The following LGR4 variants were observed in gnomAD, a reference collection of about 807,000 sequenced individuals.
The protein encoded by LGR4 is leucine rich repeat containing G protein-coupled receptor 4.
A neutral mutation model predicts 84.8 loss-of-function variants in LGR4; 44 were observed. The ratio of observed to expected loss-of-function variants is 0.52; its 90% CI spans 0.41 to 0.67. LGR4 has a LOEUF of 0.67. LGR4 is among the 30% of genes least tolerant of loss of function. The pLI is 0.00. For missense variants in LGR4, 1,032 were observed against 1,131.4 expected, an observed-to-expected ratio of 0.91 and a Z score of 1.26; for synonymous variants, 429 against 434.3, an observed-to-expected ratio of 0.99 and a Z score of 0.15.
At chr11:27,398,211 C>T (rs1393796933) in intron 2 of LGR4, among the ~76,000 whole-genome samples, 2 of 152,268 alleles carry the variant, frequency 1.3e-5, no homozygotes, top group African/African-American at 2.4e-5. Flanking sequence ...GCAGGAACTG[C>T]GCTGTCTTAA....
chr11:27,399,908 A>G (rs2133385327), intron 2 of LGR4, among the ~76,000 whole-genome samples: 1 of 152,274 alleles, frequency 6.6e-6, no homozygotes, highest in African/African-American at 2.4e-5. Flanking sequence ...TGTGTTCAGA[A>G]CTATGTTGGC....
chr11:27,437,205 A>G (rs1864226881), intron 1 of LGR4, among the ~76,000 whole-genome samples: 1 of 152,190 alleles, frequency 6.6e-6, no homozygotes, highest in Non-Finnish European at 1.5e-5. Flanking sequence ...GTTAGTCCAA[A>G]TATACACACA....
At chr11:27,412,745 T>C in intron 2 of LGR4, 44 bp downstream of exon 2, 1 of 1,150,446 alleles carries the variant, frequency 8.7e-7, no homozygotes, top group Non-Finnish European at 1.3e-6. Flanking sequence ...CAAAATGAAT[T>C]GGGGAAAAAG....
chr11:27,429,384 C>T (rs1320687943), intron 1 of LGR4, among the ~76,000 whole-genome samples: 3 of 151,734 alleles, frequency 2.0e-5, no homozygotes, highest in African/African-American at 7.3e-5. Flanking sequence ...ACTCAAGAGG[C>T]TGAGGCAGCA....
chr11:27,435,859 T>C (rs891143002), intron 1 of LGR4, among the ~76,000 whole-genome samples: 2 of 151,750 alleles, frequency 1.3e-5, no homozygotes, highest in Non-Finnish European at 2.9e-5. Context: ...CTCACAATAA[T>C]CCTAAGAGGT....
chr11:27,391,582 G>A (rs1863285718), intron 3 of LGR4, among the ~76,000 whole-genome samples: 1 of 152,116 alleles, frequency 6.6e-6, no homozygotes, highest in Non-Finnish European at 1.5e-5. Flanking sequence ...ATAAAGCAGA[G>A]CCCGGAAACA....
At chr11:27,454,984 C>T (rs1273830554) in intron 1 of LGR4, among the ~76,000 whole-genome samples, 1 of 152,134 alleles carries the variant, frequency 6.6e-6, no homozygotes, top group East Asian at 1.9e-4. Flanking sequence ...AAGATTAACA[C>T]AGTCAAAGAA....
chr11:27,435,348 AAAC>A (rs200560391), intron 1 of LGR4, among the ~76,000 whole-genome samples: 3,058 of 151,728 alleles, frequency 0.02, 103 homozygotes, highest in African/African-American at 0.071. Flanking sequence ...ACAAACAAAC[AAAC>A]AACAACAACA....
chr11:27,441,966 A>C (rs962143289), intron 1 of LGR4, among the ~76,000 whole-genome samples: 6 of 152,228 alleles, frequency 3.9e-5, no homozygotes, highest in African/African-American at 1.4e-4. Context: ...CAGGGACCAC[A>C]GATGGAACAG....
chr11:27,469,242 C>T (rs113863265), intron 1 of LGR4, among the ~76,000 whole-genome samples: 243 of 152,262 alleles, frequency 1.6e-3, no homozygotes, highest in African/African-American at 5.7e-3. Flanking sequence ...TCCGGTAAAG[C>T]GGCTTTCACC....
In LGR4 at chr11:27,371,511, T is replaced by C. The variant is rs541632365; in HGVS notation, c.1579+104A>G. ...CAGAAGGCCTCACAGGATCCTCTAGTACCATCCCTATTACAGAAATCACAT... is the reference window on the plus strand; with the variant it reads ...CAGAAGGCCTCACAGGATCCTCTAGCACCATCCCTATTACAGAAATCACAT... On this transcript the variant is annotated intron_variant, in intron 17 of 17. Coordinates refer to ENST00000379214, the MANE Select transcript of LGR4 (RefSeq NM_018490.5). The C allele has an allele frequency of 3.2e-5, 25 of 784,532 alleles. No homozygotes were observed. The South Asian group carries it at 4.7e-4, about 15-fold the overall frequency. The allele number at this position is 784,532 out of a possible 1,614,324, so 48.6% of individuals were successfully genotyped here. A position where few individuals can be genotyped will look rare whatever the true frequency, so the allele number is the denominator to read the frequency against.
chr11:27,418,789 T>A lies in LGR4; in HGVS notation c.186-5929A>T, dbSNP rs1054330047. Among the ~76,000 whole-genome samples the A allele has an allele frequency of 4.6e-5, 7 of 152,082 alleles. No individual in the cohort carries two copies. The East Asian group carries it at 1.4e-3, about 29-fold the overall frequency. ...AAAAAACTTGTTTCTATCAGAAAAATGTTTAATTCATTTTATGATCATCTA... is the reference window on the plus strand; with the variant it reads ...AAAAAACTTGTTTCTATCAGAAAAAAGTTTAATTCATTTTATGATCATCTA... On this transcript the variant is annotated intron_variant, in intron 1 of 17. Transcript: ENST00000379214.
chr11:27,468,129 A>T (rs1864813550), intron 1 of LGR4, among the ~76,000 whole-genome samples: 1 of 152,216 alleles, frequency 6.6e-6, no homozygotes, highest in African/African-American at 2.4e-5. Flanking sequence ...AATACACCTT[A>T]GGGAAGAATC....
In LGR4 at chr11:27,439,092, C is replaced by T. The variant is rs145146792; in HGVS notation, c.186-26232G>A. On this transcript the variant is annotated intron_variant, in intron 1 of 17. Transcript: ENST00000379214. ...ATTGACATTTTCATAATGGAGATGT[C>T]GTGATGGTAAATGGAGATTTACCAT... 4.3e-4 allele frequency among the ~76,000 whole-genome samples: 65 copies of T among 152,246 alleles called. No individual in the cohort carries two copies. In the East Asian group the frequency reaches 0.012, roughly 27 times the overall value.
intron 1 of LGR4, among the ~76,000 whole-genome samples, chr11:27,449,756 G>A (rs545214183): frequency 1.5e-4 from 23 of 152,104 alleles, no homozygotes; most frequent in South Asian, 4.1e-4. Flanking sequence ...TTCAAAGGAC[G>A]TATGTCTATA....
intron 4 of LGR4, 32 bp downstream of exon 4, chr11:27,391,062 T>C (rs1372893476): frequency 2.3e-6 from 3 of 1,324,628 alleles, no homozygotes; most frequent in South Asian, 1.3e-5. Flanking sequence ...GAGTAGTCTC[T>C]TGGTGAGTCA....
chr11:27,415,430 G>A (rs1026132306), intron 1 of LGR4, among the ~76,000 whole-genome samples: 1 of 152,050 alleles, frequency 6.6e-6, no homozygotes, highest in African/African-American at 2.4e-5. Flanking sequence ...ACTATTCTCT[G>A]CATTCCAGTT....
intron 4 of LGR4, among the ~76,000 whole-genome samples, chr11:27,386,790 T>C (rs558774643): frequency 3.5e-4 from 53 of 152,312 alleles, no homozygotes; most frequent in Non-Finnish European, 7.1e-4. Flanking sequence ...TCAAGATAAC[T>C]GAAAGAACAC....
At chr11:27,408,535 A>C (rs1220281330) in intron 2 of LGR4, among the ~76,000 whole-genome samples, 1 of 152,062 alleles carries the variant, frequency 6.6e-6, no homozygotes, top group Non-Finnish European at 1.5e-5. Flanking sequence ...TGCTGTTCCT[A>C]ACTCCAACAT....
Sources: gnomAD v4.1 joint callset for allele counts (sites outside exome capture counted in the v4.1 genomes callset) on GRCh38, gnomAD v4.1.1 for gene constraint, MANE v1.5 for transcripts, NCBI Gene and HGNC (gene_info 2026-07-23, HGNC 2026-07-21) for gene names.